EPS8: variants seen among roughly 807,000 people sequenced by gnomAD.
The protein encoded by EPS8 is EGFR pathway substrate 8, signaling adaptor, also known as epidermal growth factor receptor kinase substrate 8.
In EPS8, 42 loss-of-function variants were observed where a neutral mutation model predicts 103.8. The observed-to-expected ratio is 0.40, with a 90% CI of 0.32 to 0.52. The LOEUF is 0.52. EPS8 is among the 20% of genes least tolerant of loss of function. The pLI, the probability that EPS8 is intolerant of heterozygous loss-of-function variation, is 0.40. For missense variants in EPS8, 969 were observed against 1,005.1 expected, an observed-to-expected ratio of 0.96 and a Z score of 0.49; for synonymous variants, 344 against 344.6, an observed-to-expected ratio of 1.00 and a Z score of 0.02.
At chr12:15,740,048 G>A (rs1277098847) in intron 1 of EPS8, among the ~76,000 whole-genome samples, 5 of 151,954 alleles carry the variant, frequency 3.3e-5, no homozygotes, top group Non-Finnish European at 4.4e-5. Flanking sequence ...CCGAGGTGAC[G>A]GCAAAGTTAA....
chr12:15,711,927 T>C (rs929146181), intron 1 of EPS8, among the ~76,000 whole-genome samples: 5 of 152,210 alleles, frequency 3.3e-5, no homozygotes, highest in African/African-American at 1.2e-4. Flanking sequence ...TAATCAGTTA[T>C]TTATTTTTGC....
At position 15,623,148 on chromosome 12, in the gene EPS8, C is replaced by G; in HGVS notation, c.2355+10G>C. ...GCAGAAAAACACCACCTTAGGTTGACAAGTCATACCTCCAATGCAGCTTTT... is the reference window on the plus strand; with the variant it reads ...GCAGAAAAACACCACCTTAGGTTGAGAAGTCATACCTCCAATGCAGCTTTT... On this transcript the variant is annotated intron_variant, in intron 20 of 20. Transcript: ENST00000281172. 6.3e-7 allele frequency: 1 copy of G among 1,597,174 alleles called. No homozygotes were observed.
rs143499181 is a variant in EPS8 at position 15,662,541 on chromosome 12, G to A, written c.737-442C>T. The A allele has an allele frequency of 1.1e-4, 112 of 986,114 alleles. No individual in the cohort carries two copies. In the African/African-American group the frequency reaches 1.7e-3, roughly 15 times the overall value. 61.1% of individuals were successfully genotyped at this position (986,114 alleles called of 1,614,324 possible). A position where few individuals can be genotyped will look rare whatever the true frequency, so the allele number is the denominator to read the frequency against. ...ACACTGTGACTACAATAAAGCTTTC[G>A]GAGTTCTGACAGCAGAGTGCTTCTT... On this transcript the variant is annotated intron_variant, in intron 8 of 20. Coordinates refer to ENST00000281172, the MANE Select transcript of EPS8 (RefSeq NM_004447.6).
At chr12:15,631,127 T>C (rs977284762) in intron 18 of EPS8, among the ~76,000 whole-genome samples, 1 of 152,168 alleles carries the variant, frequency 6.6e-6, no homozygotes, top group African/African-American at 2.4e-5. Context: ...GATAATTAAA[T>C]CATTGAAGGT....
chr12:15,727,282 C>T lies in EPS8; in HGVS notation c.-21-44310G>A, dbSNP rs776974604. 2.0e-5 allele frequency among the ~76,000 whole-genome samples: 3 copies of T among 152,142 alleles called. No individual in the cohort carries two copies. The highest frequency in any genetic ancestry group is 2.1e-4 in the South Asian group (1 of 4,828). Reference sequence around the variant, plus strand: ...ACAACTGGGTTTGCTTTAGAAGCAACGATTCGAAGTAGATTAACTCTCACT... The same window carrying T: ...ACAACTGGGTTTGCTTTAGAAGCAATGATTCGAAGTAGATTAACTCTCACT... On this transcript the variant is annotated intron_variant, in intron 1 of 20. Coordinates refer to ENST00000281172, the MANE Select transcript of EPS8 (RefSeq NM_004447.6). This position sits in a 1 kb window ranked among gnomAD's most constrained non-coding sequence, Gnocchi z 4.3.
At chr12:15,682,434 C>A (rs1946024178) in intron 2 of EPS8, among the ~76,000 whole-genome samples, 1 of 152,092 alleles carries the variant, frequency 6.6e-6, no homozygotes, top group South Asian at 2.1e-4. Flanking sequence ...TATACCTGGA[C>A]CCACTGGAAA....
rs367729553 is a variant in EPS8 at position 15,670,920 on chromosome 12, T to A, written c.140A>T (p.Gln47Leu). Residue 47 changes from glutamine (Q) to leucine (L), a missense_variant, in exon 4 of 21, where the codon CAA becomes CTA. By Grantham distance (113) the Gln-to-Leu change is moderately radical (BLOSUM62 -2). Transcript: ENST00000281172. ...SKTSAKALYE[Q>L]RKNYARDSVS... Reference sequence around the variant, plus strand: ...ACTGTCCCGTGCATAATTCTTCCTTTGTTCTGAAAGAGAAATTGAAAAAGC... The same window carrying A: ...ACTGTCCCGTGCATAATTCTTCCTTAGTTCTGAAAGAGAAATTGAAAAAGC... 3.3e-5 allele frequency: 53 copies of A among 1,611,412 alleles called. No individual in the cohort carries two copies. Among genetic ancestry groups the A allele is most frequent in the Non-Finnish European group, 4.2e-5 (49 of 1,178,080 alleles).
At chr12:15,672,820 C>T (rs1051246642) in intron 3 of EPS8, among the ~76,000 whole-genome samples, 1 of 152,112 alleles carries the variant, frequency 6.6e-6, no homozygotes, top group Admixed American at 6.6e-5. Context: ...CAACTGTCCA[C>T]GATAGATTCA....
In EPS8 at chr12:15,640,748, T is replaced by C; in HGVS notation, c.1776A>G (p.Glu592=). Residue 592 remains glutamate (E), a synonymous_variant, in exon 17 of 21, where the codon GAA becomes GAG. Transcript: ENST00000281172. ...NNILDIVRPP[E]SGLGRADPPY... ...GTGGATCAGCACGCCCCAATCCAGA[T>C]TCTGGAGGTCTCACAATATCCAAAA... The C allele has an allele frequency of 1.2e-6, 2 of 1,614,060 alleles. No individual in the cohort carries two copies. Among genetic ancestry groups the C allele is most frequent in the Non-Finnish European group, 1.7e-6 (2 of 1,179,936 alleles).
intron 1 of EPS8, among the ~76,000 whole-genome samples, chr12:15,774,667 T>C (rs1032523933): frequency 7.5e-5 from 11 of 147,210 alleles, no homozygotes; most frequent in African/African-American, 2.5e-4. Flanking sequence ...TATACACACA[T>C]ATATATATTT....
chr12:15,756,835 G>A (rs111880304), intron 1 of EPS8, among the ~76,000 whole-genome samples: 4 of 152,078 alleles, frequency 2.6e-5, no homozygotes, highest in African/African-American at 9.7e-5. Context: ...CTAACAGAAC[G>A]TCTAACATAA....
In EPS8 at chr12:15,728,371, A is replaced by G. The variant is rs1447784392; in HGVS notation, c.-21-45399T>C. ...CTTATCCAGTGTCCTTGCCATGCTA[A>G]TAACAATCCAAGATGAAGCTTAAAG... On this transcript the variant is annotated intron_variant, in intron 1 of 20. Transcript: ENST00000281172. This position sits in a 1 kb window ranked among gnomAD's most constrained non-coding sequence, Gnocchi z 4.5. 1.3e-5 allele frequency: 2 copies of G among 152,206 alleles called. No homozygotes were observed. The highest frequency in any genetic ancestry group is 2.9e-5 in the Non-Finnish European group (2 of 68,032). 9.4% of individuals were successfully genotyped at this position (152,206 alleles called of 1,614,324 possible).
At position 15,778,449 on chromosome 12, in the gene EPS8, T is replaced by C. The variant is rs1488727027; in HGVS notation, c.-22+10712A>G. Among the ~76,000 whole-genome samples, 1 of 152,208 alleles carries C rather than the reference T, an allele frequency of 6.6e-6. No individual in the cohort carries two copies. The highest frequency in any genetic ancestry group is 2.4e-5 in the African/African-American group (1 of 41,454). On this transcript the variant is annotated intron_variant, in intron 1 of 20. Transcript: ENST00000281172. This position sits in a 1 kb window ranked among gnomAD's most constrained non-coding sequence, Gnocchi z 4.5. ...ATAAAAGAACTACTGACAAAATTAA[T>C]GTTCTCTCGACTAAAAGGATCTTGA...
intron 1 of EPS8, among the ~76,000 whole-genome samples, chr12:15,729,560 C>T (rs993627993): frequency 6.6e-6 from 1 of 152,144 alleles, no homozygotes; most frequent in African/African-American, 2.4e-5. Context: ...GAATCAAAGG[C>T]ATTCTGCATT....
chr12:15,771,595 T>C lies in EPS8; in HGVS notation c.-22+17566A>G, dbSNP rs1275282663. Among the ~76,000 whole-genome samples, 1 of 151,902 alleles carries C rather than the reference T, an allele frequency of 6.6e-6. No individual in the cohort carries two copies. The highest frequency in any genetic ancestry group is 1.5e-5 in the Non-Finnish European group (1 of 67,988). ...ATGTGAAAGCAGCAAAATCTGGCAA[T>C]CAGTTGCATATGGCAGGTAAAGGAG... On this transcript the variant is annotated intron_variant, in intron 1 of 20. Coordinates refer to ENST00000281172, the MANE Select transcript of EPS8 (RefSeq NM_004447.6). This position sits in a 1 kb window ranked among gnomAD's most constrained non-coding sequence, Gnocchi z 4.6.
chr12:15,642,920 C>A (rs995749283), intron 15 of EPS8, among the ~76,000 whole-genome samples: 3 of 152,130 alleles, frequency 2.0e-5, no homozygotes, highest in Non-Finnish European at 4.4e-5. Context: ...CAGTATAGAA[C>A]ACCTTACAGA....
Position 15,745,580 on chromosome 12 carries a change from A to G in EPS8, c.-22+43581T>C, listed in dbSNP as rs1054624020. Among the ~76,000 whole-genome samples, 2 of 151,290 alleles carry G rather than the reference A, an allele frequency of 1.3e-5. No homozygotes were observed. Among genetic ancestry groups the G allele is most frequent in the African/African-American group, 4.9e-5 (2 of 41,122 alleles). On this transcript the variant is annotated intron_variant, in intron 1 of 20. Transcript: ENST00000281172. This position sits in a 1 kb window ranked among gnomAD's most constrained non-coding sequence, Gnocchi z 4.6. ...ATCCAAAAAAAAAAAAAAATTCTTT[A>G]AACCACAGAAAAAGAAATCACTTTT...
In EPS8 at chr12:15,737,821, C is replaced by T. The variant is rs114421288; in HGVS notation, c.-22+51340G>A. 4.9e-3 allele frequency among the ~76,000 whole-genome samples: 749 copies of T among 152,092 alleles called. 8 individuals are homozygous for T. The highest frequency in any genetic ancestry group is 0.017 in the African/African-American group (706 of 41,524). Reference sequence around the variant, plus strand: ...TATTAAATCTGTTTCAACAGTCCCGCGACACCAATTATTTTCCATTTTTGC... The same window carrying T: ...TATTAAATCTGTTTCAACAGTCCCGTGACACCAATTATTTTCCATTTTTGC... On this transcript the variant is annotated intron_variant, in intron 1 of 20. Transcript: ENST00000281172.
chr12:15,662,347 AC>A, intron 8 of EPS8: 2 of 1,214,824 alleles, frequency 1.6e-6, no homozygotes, highest in Non-Finnish European at 2.1e-6. Context: ...TTGTAATATC[AC>A]CCCATTCTCT....
Sources: gnomAD v4.1 joint callset for allele counts (sites outside exome capture counted in the v4.1 genomes callset) on GRCh38, gnomAD v4.1.1 for gene constraint, Gnocchi (gnomAD v3.1) non-coding constraint, MANE v1.5 for transcripts, NCBI Gene and HGNC (gene_info 2026-07-23, HGNC 2026-07-21) for gene names.